DNAJB6: variants seen among roughly 807,000 people sequenced by gnomAD.
DNAJB6 encodes dnaJ homolog subfamily B member 6.
In DNAJB6, 16 loss-of-function variants were observed where a neutral mutation model predicts 42.7. That is an observed-to-expected ratio of 0.37 (90% CI 0.25 to 0.57). The LOEUF is 0.57. DNAJB6 is among the 20% of genes least tolerant of loss of function. The pLI is 0.74. For missense variants in DNAJB6, 347 were observed against 416.8 expected, an observed-to-expected ratio of 0.83 and a Z score of 1.46; for synonymous variants, 170 against 163.5, an observed-to-expected ratio of 1.04 and a Z score of -0.30.
At chr7:157,381,745 C>CATGTGTGTGT (rs1554462580) in intron 5 of DNAJB6, 1 of 148,836 alleles carries the variant, frequency 6.7e-6, no homozygotes, top group South Asian at 2.2e-4. Flanking sequence ...CACCATTCCT[C>CATGTGTGTGT]GTGTGTGTGT....
intron 8 of DNAJB6, among the ~76,000 whole-genome samples, chr7:157,400,861 G>A (rs938909195): frequency 2.6e-5 from 4 of 152,234 alleles, no homozygotes; most frequent in African/African-American, 9.6e-5. Context: ...TGGAAGGCAG[G>A]TGTGCTGGAG....
At chr7:157,387,603 C>T (rs187715552) in intron 8 of DNAJB6, among the ~76,000 whole-genome samples, 12 of 152,278 alleles carry the variant, frequency 7.9e-5, no homozygotes, top group African/African-American at 2.9e-4. Context: ...AAGTCTTTAC[C>T]TGTAATTCTT....
intron 1 of DNAJB6, among the ~76,000 whole-genome samples, chr7:157,353,446 G>A (rs960247168): frequency 6.6e-6 from 1 of 152,088 alleles, no homozygotes; most frequent in Non-Finnish European, 1.5e-5. Flanking sequence ...ATTGTTAAAT[G>A]TGGACTTTAT....
chr7:157,377,481 C>CTA (rs1800529680), intron 5 of DNAJB6, among the ~76,000 whole-genome samples: 1 of 152,182 alleles, frequency 6.6e-6, no homozygotes, highest in African/African-American at 2.4e-5. Flanking sequence ...CTGCATGAGT[C>CTA]TAGAGAAACT....
chr7:157,344,512 CAAA>C (rs879823551), intron 1 of DNAJB6, among the ~76,000 whole-genome samples: 1 of 133,146 alleles, frequency 7.5e-6, no homozygotes. Flanking sequence ...GACTCAAACT[CAAA>C]AAAAAAAAAA....
chr7:157,366,750 A>G (rs1331205569), intron 4 of DNAJB6, among the ~76,000 whole-genome samples, 189 bp downstream of exon 4: 2 of 152,238 alleles, frequency 1.3e-5, no homozygotes, highest in African/African-American at 4.8e-5. Flanking sequence ...GACTAGAAGT[A>G]TATGTTGATG....
At chr7:157,348,627 C>CT (rs1283882961) in intron 1 of DNAJB6, among the ~76,000 whole-genome samples, 1 of 152,196 alleles carries the variant, frequency 6.6e-6, no homozygotes, top group Non-Finnish European at 1.5e-5. Context: ...TCATCACTCT[C>CT]TTAAGTCCAT....
intron 2 of DNAJB6, among the ~76,000 whole-genome samples, chr7:157,362,922 G>A (rs1403730202): frequency 4.6e-5 from 7 of 152,132 alleles, no homozygotes; most frequent in African/African-American, 1.2e-4. Context: ...CAGTTGTCAC[G>A]CCTCAGCCTC....
chr7:157,340,998 G>GTGCGTGTGCGCGCGCGCGCT (rs67210462), intron 1 of DNAJB6, among the ~76,000 whole-genome samples: 15 of 135,046 alleles, frequency 1.1e-4, no homozygotes, highest in Non-Finnish European at 2.3e-4. Context: ...GTGTGTGTGT[G>GTGCGTGTGCGCGCGCGCGCT]CGCGCGCGCA....
chr7:157,390,444 T>C (rs1353250966), intron 8 of DNAJB6, among the ~76,000 whole-genome samples: 1 of 152,210 alleles, frequency 6.6e-6, no homozygotes, highest in Non-Finnish European at 1.5e-5. Flanking sequence ...TTCCCCCGCC[T>C]GGTCCTTCCT....
rs538661815 is a variant in DNAJB6, at chr7:157,358,687, T to C, written c.65+50T>C. The C allele has an allele frequency of 2.1e-6, 3 of 1,422,258 alleles. No individual in the cohort carries two copies. The East Asian group carries it at 6.8e-5, about 32-fold the overall frequency. 88.1% of individuals were successfully genotyped at this position (1,422,258 alleles called of 1,614,324 possible). Reference sequence around the variant, plus strand: ...ATGCATTTTCACAGTGGTACATTGGTAATTGAGTAGTATAACTTCTTCTAT... The same window carrying C: ...ATGCATTTTCACAGTGGTACATTGGCAATTGAGTAGTATAACTTCTTCTAT... On this transcript the variant is annotated intron_variant, in intron 2 of 9. Transcript: ENST00000262177.
At chr7:157,378,561 C>T (rs1800590691) in intron 5 of DNAJB6, 1 of 152,278 alleles carries the variant, frequency 6.6e-6, no homozygotes, top group Admixed American at 6.5e-5. Flanking sequence ...TGCCCACAGG[C>T]TTCCTTGCAT....
chr7:157,366,163 C>T (rs1228548747), intron 3 of DNAJB6, among the ~76,000 whole-genome samples: 2 of 152,140 alleles, frequency 1.3e-5, no homozygotes, highest in African/African-American at 4.8e-5. Flanking sequence ...ATTGGCCAGG[C>T]TGGTCTCAAA....
chr7:157,386,576 A>C (rs73505212), intron 8 of DNAJB6, among the ~76,000 whole-genome samples: 3,488 of 152,046 alleles, frequency 0.023, 158 homozygotes, highest in East Asian at 0.18. Context: ...AGTATGTTCT[A>C]GTTTGATGTA....
At chr7:157,361,703 A>T (rs1445249114) in intron 2 of DNAJB6, among the ~76,000 whole-genome samples, 4 of 152,146 alleles carry the variant, frequency 2.6e-5, no homozygotes, top group Admixed American at 2.6e-4. Flanking sequence ...TTTTGAATAT[A>T]TGCTGCTTAG....
At chr7:157,340,989 T>TGCGCGCGC (rs1369106155) in intron 1 of DNAJB6, among the ~76,000 whole-genome samples, 2 of 74,970 alleles carry the variant, frequency 2.7e-5, no homozygotes, top group African/African-American at 1.1e-4. Flanking sequence ...TGTGTGTGTG[T>TGCGCGCGC]GTGTGTGTGC....
intron 8 of DNAJB6, among the ~76,000 whole-genome samples, chr7:157,401,807 T>TC (rs1795529924): frequency 6.6e-6 from 1 of 152,220 alleles, no homozygotes; most frequent in South Asian, 2.1e-4. Flanking sequence ...TGCCCTGACC[T>TC]CTGCAGCAGC....
intron 1 of DNAJB6, among the ~76,000 whole-genome samples, chr7:157,346,424 C>G (rs911179893): frequency 2.0e-5 from 3 of 149,798 alleles, no homozygotes; most frequent in African/African-American, 7.3e-5. Flanking sequence ...AGTTTTATAT[C>G]TTGATTAGGC....
intron 5 of DNAJB6, among the ~76,000 whole-genome samples, chr7:157,371,551 G>A (rs578012341): frequency 7.9e-5 from 12 of 152,354 alleles, no homozygotes; most frequent in African/African-American, 2.4e-4. Flanking sequence ...GAGAGGTCGC[G>A]GAGGCGGATT....
Sources: gnomAD v4.1 joint callset for allele counts (sites outside exome capture counted in the v4.1 genomes callset) on GRCh38, gnomAD v4.1.1 for gene constraint, MANE v1.5 for transcripts, NCBI Gene and HGNC (gene_info 2026-07-23, HGNC 2026-07-21) for gene names.